Variants in SAMD11 observed in about 807,000 individuals in gnomAD.
SAMD11 encodes the protein sterile alpha motif domain containing 11, also known as sterile alpha motif domain-containing protein 11.
Under a neutral mutation model 64.4 loss-of-function variants are expected in SAMD11, and 77 were observed. The observed-to-expected ratio is 1.20, with a 90% confidence interval of 0.99 to 1.44. The LOEUF (loss-of-function observed/expected upper bound fraction) is 1.44, where lower values mean the gene tolerates loss of function less well. Ranked by LOEUF, SAMD11 falls within the 40% of genes most tolerant of loss-of-function variation. The pLI is 0.00. For synonymous variants in SAMD11, 658 were observed against 421.9 expected, an observed-to-expected ratio of 1.56 and a Z score of -6.86; for missense variants, 1,402 against 943.3, an observed-to-expected ratio of 1.49 and a Z score of -6.37.
At position 944,108 on chromosome 1, in the gene SAMD11, G is replaced by T. The variant is rs1296632734; in HGVS notation, c.2490G>T (p.Leu830Phe). 5.6e-6 allele frequency: 9 copies of T among 1,607,648 alleles called. No homozygotes were observed. The highest frequency in any genetic ancestry group is 1.1e-5 in the South Asian group (1 of 90,736). The change falls in exon 14 of 14, where the codon TTG becomes TTT. Residue 830 changes from leucine to phenylalanine, a missense_variant. Coordinates refer to ENST00000616016, the MANE Select transcript of SAMD11 (RefSeq NM_001385641.1). The part of the protein sequence containing the change: ...QTSPKQENGT[L>F]ALLPGAPDPS... The stretch of plus-strand genomic sequence containing the variant: ...CACCCAAGCAGGAGAATGGGACCTT[G>T]GCTCTACTTCCAGGGGCCCCCGACC...
chr1:935,898 T>A lies in SAMD11; in HGVS notation c.967+2T>A. The A allele has an allele frequency of 1.2e-6, 2 of 1,612,326 alleles. No homozygotes were observed. The highest frequency in any genetic ancestry group is 1.7e-6 in the Non-Finnish European group (2 of 1,179,534). ...TGGAGATTGGCCTGCGACCCGCCGG[T>A]GAGGAGCACAGGGGGCCTGAGGGCG... On this transcript the variant is annotated splice_donor_variant, in intron 5 of 13. Transcript: ENST00000616016. LOFTEE classifies it high-confidence loss of function.
chr1:927,719 G>A (rs1389996656), intron 2 of SAMD11, among the ~76,000 whole-genome samples: 1 of 152,270 alleles, frequency 6.6e-6, no homozygotes, highest in Non-Finnish European at 1.5e-5. Flanking sequence ...GGGCCCTGCA[G>A]GCCAAGCACC....
Position 941,186 on chromosome 1 carries a change from G to C in SAMD11, c.1238G>C (p.Arg413Thr). The change falls in exon 8 of 14, where the codon AGG (arginine) becomes ACG (threonine). Residue 413 changes from arginine (R) to threonine (T), a missense_variant. Arg to Thr is a moderately conservative substitution (Grantham distance 71). Coordinates refer to ENST00000616016, the MANE Select transcript of SAMD11 (RefSeq NM_001385641.1). ...VRQEVAAAAL[R>T]GPSGLEAHLP... The stretch of plus-strand genomic sequence containing the variant: ...CAGGAGGTGGCGGCTGCAGCTCTGA[G>C]GGGCCCCAGTGGCCTGGAAGCCCAC... 2 of 1,602,408 alleles carry C rather than the reference G, an allele frequency of 1.2e-6. No homozygotes were observed. Among genetic ancestry groups the C allele is most frequent in the Non-Finnish European group, 1.7e-6 (2 of 1,175,442 alleles).
rs1385234362 is a variant in SAMD11 at position 939,116 on chromosome 1, C to T, written c.1044C>T (p.Ser348=). 11 of 1,595,324 alleles carry T rather than the reference C, an allele frequency of 6.9e-6. No homozygotes were observed. Among genetic ancestry groups the T allele is most frequent in the South Asian group, 2.3e-5 (2 of 87,750 alleles). ...SDCFSEKRAR[S]ESPQEALLLP... ...GCTTTTCAGAGAAGAGGGCACGAAG[C>T]GAATCGCCTCAAGGTAAGAGCGTGG... Residue 348 remains serine (S), a synonymous_variant, in exon 6 of 14, where the codon AGC becomes AGT. Transcript: ENST00000616016.
chr1:929,369 C>T lies in SAMD11; in HGVS notation c.610-786C>T, dbSNP rs187461626. Reference sequence around the variant, plus strand: ...TGTGAGAAATGCGGGGCAGGGTTTGCGGAACAGGGGACCTGGGCTGGTGAG... The same window carrying T: ...TGTGAGAAATGCGGGGCAGGGTTTGTGGAACAGGGGACCTGGGCTGGTGAG... On this transcript the variant is annotated intron_variant, in intron 2 of 13. Transcript: ENST00000616016. Among the ~76,000 whole-genome samples, 448 of 152,290 alleles carry T rather than the reference C, an allele frequency of 2.9e-3. 2 individuals carry two copies. Among genetic ancestry groups the T allele is most frequent in the Middle Eastern group, 0.024 (7 of 294 alleles).
chr1:938,628 C>T (rs1437761957), intron 5 of SAMD11, among the ~76,000 whole-genome samples: 18 of 152,020 alleles, frequency 1.2e-4, no homozygotes, highest in Admixed American at 7.9e-4. Flanking sequence ...TCTCACCCCA[C>T]GCTGGCATGT....
At chr1:936,146 T>C (rs899127706) in intron 5 of SAMD11, among the ~76,000 whole-genome samples, 2 of 152,174 alleles carry the variant, frequency 1.3e-5, no homozygotes, top group African/African-American at 2.4e-5. Flanking sequence ...GCCACCCCCT[T>C]TCCACAGGGC....
intron 7 of SAMD11, 60 bp from the exon 8 acceptor site, chr1:941,084 C>CG (rs1641736630): frequency 6.9e-7 from 1 of 1,458,408 alleles, no homozygotes; most frequent in African/African-American, 1.4e-5. Flanking sequence ...CGCCAGGACG[C>CG]GGGCTGGGGA....
chr1:931,162 C>G, intron 4 of SAMD11, 73 bp downstream of exon 4: 2 of 1,313,846 alleles, frequency 1.5e-6, no homozygotes, highest in Non-Finnish European at 2.2e-6. Context: ...TGACCGTGCC[C>G]TGCTGTCTGC....
At chr1:929,183 G>T (rs1265794942) in intron 2 of SAMD11, among the ~76,000 whole-genome samples, 1 of 152,264 alleles carries the variant, frequency 6.6e-6, no homozygotes, top group Admixed American at 6.5e-5. Context: ...CTGGTGTGCT[G>T]TGCAGGGTGC....
Position 943,668 on chromosome 1 carries a change from G to A in SAMD11, c.2179-30G>A, listed in dbSNP as rs1234785427. 2.6e-6 allele frequency: 4 copies of A among 1,521,056 alleles called. No homozygotes were observed. In the African/African-American group the frequency reaches 4.1e-5, roughly 16 times the overall value. The allele number at this position is 1,521,056 out of a possible 1,614,324, so 94.2% of individuals were successfully genotyped here. On this transcript the variant is annotated intron_variant, in intron 12 of 13. Transcript: ENST00000616016. ...GGCTGGAGGATGGAGCAGCACCCGG[G>A]TCCTGACCCTCCCTCCCTCCCCCTT...
chr1:933,980 A>AG (rs935407036), intron 4 of SAMD11, among the ~76,000 whole-genome samples: 2 of 147,760 alleles, frequency 1.4e-5, no homozygotes, highest in African/African-American at 5.2e-5. Context: ...ACAGGTGGGC[A>AG]GGGGAGGCGG....
intron 2 of SAMD11, among the ~76,000 whole-genome samples, chr1:929,191 TGCCGCGGGCACGTCC>T (rs1263018303): frequency 1.3e-5 from 2 of 152,070 alleles, no homozygotes; most frequent in African/African-American, 4.8e-5. Flanking sequence ...CTGTGCAGGG[TGCCGCGGGCACGTCC>T]GCCGCGTGTG....
Position 940,758 on chromosome 1 carries a change from C to T in SAMD11, c.1196-386C>T, listed in dbSNP as rs570549750. Among the ~76,000 whole-genome samples the T allele has an allele frequency of 9.8e-5, 15 of 152,326 alleles. No individual in the cohort carries two copies. The East Asian group carries it at 2.7e-3, about 28-fold the overall frequency. Reference sequence around the variant, plus strand: ...CTATGGGGACCTCAGATTTTCTTGCCTCCCACCGAAGAGGGGGTCCCCTGG... The same window carrying T: ...CTATGGGGACCTCAGATTTTCTTGCTTCCCACCGAAGAGGGGGTCCCCTGG... On this transcript the variant is annotated intron_variant, in intron 7 of 13. Coordinates refer to ENST00000616016, the MANE Select transcript of SAMD11 (RefSeq NM_001385641.1).
intron 4 of SAMD11, among the ~76,000 whole-genome samples, chr1:935,166 G>C (rs1228683674): frequency 2.6e-5 from 4 of 152,168 alleles, no homozygotes; most frequent in African/African-American, 7.2e-5. Context: ...AGAGTTAAAT[G>C]CATGTTGATT....
intron 8 of SAMD11, 84 bp from the exon 9 acceptor site, chr1:942,036 CGCGGGGCCGGCAATTA>C (rs1243439436): frequency 6.8e-6 from 3 of 442,618 alleles, no homozygotes; most frequent in African/African-American, 6.2e-5. Context: ...ATCGACCGCC[CGCGGGGCCGGCAATTA>C]GCGGAGGCGG....
At chr1:941,948 C>G (rs1167974666) in intron 8 of SAMD11, among the ~76,000 whole-genome samples, 188 bp from the exon 9 acceptor site, 2 of 152,038 alleles carry the variant, frequency 1.3e-5, no homozygotes, top group African/African-American at 2.4e-5. Flanking sequence ...TCAGCGCCTC[C>G]GCGCCGCCGC....
rs555774622 is a variant in SAMD11 at position 927,691 on chromosome 1, C to T, written c.609+1678C>T. Among the ~76,000 whole-genome samples, 4 of 152,382 alleles carry T rather than the reference C, an allele frequency of 2.6e-5. No individual in the cohort carries two copies. The South Asian group carries it at 8.3e-4, about 32-fold the overall frequency. ...GGGCAGAATATGAGTGTGTATGTGC[C>T]TTGGGGACCCTGCACAGGGGCCCTG... On this transcript the variant is annotated intron_variant, in intron 2 of 13. Coordinates refer to ENST00000616016, the MANE Select transcript of SAMD11 (RefSeq NM_001385641.1).
rs1641732747 is a variant in SAMD11, at chr1:941,022, A to G, written c.1196-122A>G. The G allele has an allele frequency of 3.4e-6, 3 of 888,228 alleles. No individual in the cohort carries two copies. In the South Asian group the frequency reaches 5.2e-5, roughly 15 times the overall value. 55.0% of individuals were successfully genotyped at this position (888,228 alleles called of 1,614,324 possible). ...CCTGCCCCGTGCCCGAGACCAGCCCAGGGGCCGAGCACGGCCGAGTGGTGT... is the reference window on the plus strand; with the variant it reads ...CCTGCCCCGTGCCCGAGACCAGCCCGGGGGCCGAGCACGGCCGAGTGGTGT... On this transcript the variant is annotated intron_variant, in intron 7 of 13. Coordinates refer to ENST00000616016, the MANE Select transcript of SAMD11 (RefSeq NM_001385641.1).
Sources: allele counts gnomAD v4.1 joint callset (sites outside exome capture counted in the v4.1 genomes callset), GRCh38; gene constraint gnomAD v4.1.1; transcripts MANE v1.5; gene names NCBI Gene and HGNC (gene_info 2026-07-23, HGNC 2026-07-21).